SPAG16: variants seen among roughly 807,000 people sequenced by gnomAD.
SPAG16 encodes the protein sperm-associated antigen 16 protein.
Under a neutral mutation model 80.4 loss-of-function variants are expected in SPAG16, and 86 were observed. The observed-to-expected ratio is 1.07, with a 90% confidence interval of 0.90 to 1.28. The LOEUF (loss-of-function observed/expected upper bound fraction) is 1.28, where lower values mean the gene tolerates loss of function less well. Ranked by LOEUF, SPAG16 falls within the 50% of genes most tolerant of loss-of-function variation. SPAG16 has a pLI of 0.00. For missense variants in SPAG16, 870 were observed against 765.3 expected, an observed-to-expected ratio of 1.14 and a Z score of -1.61; for synonymous variants, 294 against 265.9, an observed-to-expected ratio of 1.11 and a Z score of -1.03.
At position 213,317,287 on chromosome 2, in the gene SPAG16, A is replaced by G. The variant is rs1559403756; in HGVS notation, c.467A>G (p.Gln156Arg). The change falls in exon 5 of 16, where the codon CAG (glutamine) becomes CGG (arginine). Residue 156 changes from glutamine to arginine, a missense_variant. Transcript: ENST00000331683. Reference protein sequence around the residue: ...TVGNVPDVYTQIMLLENENKN... With the variant: ...TVGNVPDVYTRIMLLENENKN... ...GGGAATGTTCCAGATGTCTACACCC[A>G]GATTATGCTTTTGGAAAATGAGAAC... The G allele has an allele frequency of 6.2e-7, 1 of 1,611,348 alleles. No homozygotes were observed. The highest frequency in any genetic ancestry group is 2.2e-5 in the East Asian group (1 of 44,728).
intron 10 of SPAG16, among the ~76,000 whole-genome samples, chr2:213,608,893 C>T (rs1007994126): frequency 2.6e-5 from 4 of 152,208 alleles, no homozygotes; most frequent in Admixed American, 6.5e-5. Context: ...CCGTGTTAGC[C>T]GGGATGGTCT....
intron 1 of SPAG16, chr2:213,285,880 C>G (rs948724096): frequency 1.5e-5 from 19 of 1,288,862 alleles, no homozygotes; most frequent in Non-Finnish European, 1.8e-5. Flanking sequence ...CATAATTCTT[C>G]CTAAGCTTAT....
At chr2:214,193,423 GT>G (rs1237443739) in intron 15 of SPAG16, among the ~76,000 whole-genome samples, 17 of 68,530 alleles carry the variant, frequency 2.5e-4, no homozygotes, top group African/African-American at 9.7e-4. Context: ...GTGTGTGTGT[GT>G]ATGAGAGAGA....
At chr2:213,665,673 G>A (rs2063574408) in intron 10 of SPAG16, among the ~76,000 whole-genome samples, 1 of 151,950 alleles carries the variant, frequency 6.6e-6, no homozygotes, top group Non-Finnish European at 1.5e-5. Flanking sequence ...ACATAACCTT[G>A]TTTTATGTGT....
chr2:213,913,982 C>T (rs1471197894), intron 11 of SPAG16, among the ~76,000 whole-genome samples: 1 of 152,230 alleles, frequency 6.6e-6, no homozygotes, highest in Non-Finnish European at 1.5e-5. Context: ...TACTCAACAT[C>T]TACTGATTTA....
At chr2:214,210,071 C>T (rs1346862107) in intron 15 of SPAG16, among the ~76,000 whole-genome samples, 1 of 151,980 alleles carries the variant, frequency 6.6e-6, no homozygotes, top group African/African-American at 2.4e-5. Flanking sequence ...TCTGCTTGAT[C>T]AACTTGAGTC....
intron 15 of SPAG16, among the ~76,000 whole-genome samples, chr2:214,329,178 G>A (rs1218655147): frequency 6.6e-6 from 1 of 152,208 alleles, no homozygotes; most frequent in Non-Finnish European, 1.5e-5. Flanking sequence ...GCTGGGGATG[G>A]CTCCATCTCA....
intron 13 of SPAG16, among the ~76,000 whole-genome samples, chr2:214,016,938 T>C (rs1389767314): frequency 6.6e-6 from 1 of 152,136 alleles, no homozygotes; most frequent in African/African-American, 2.4e-5. Flanking sequence ...TAAAGGAATA[T>C]GGTAATGGAC....
intron 15 of SPAG16, among the ~76,000 whole-genome samples, chr2:214,308,929 C>T (rs1456325998): frequency 6.6e-6 from 1 of 152,042 alleles, no homozygotes; most frequent in African/African-American, 2.4e-5. Flanking sequence ...TTAAGTGTTG[C>T]CCTGTCTAGC....
intron 15 of SPAG16, among the ~76,000 whole-genome samples, chr2:214,324,687 GA>G (rs1318094542): frequency 3.9e-5 from 6 of 152,108 alleles, no homozygotes; most frequent in Non-Finnish European, 7.4e-5. Flanking sequence ...AAAATAGAAA[GA>G]AAAATGTAAA....
intron 9 of SPAG16, among the ~76,000 whole-genome samples, chr2:213,392,088 A>G (rs1056256353): frequency 2.0e-5 from 3 of 152,238 alleles, no homozygotes; most frequent in Non-Finnish European, 4.4e-5. Flanking sequence ...CAGTTATTAT[A>G]TAAAATAGGT....
intron 12 of SPAG16, among the ~76,000 whole-genome samples, chr2:213,935,201 C>CA (rs397872306): frequency 0.021 from 2,145 of 102,640 alleles, 76 homozygotes; most frequent in African/African-American, 0.071. Flanking sequence ...GACTCCATCT[C>CA]AAAAAAAAAA....
chr2:213,737,691 T>C (rs892283990), intron 10 of SPAG16, among the ~76,000 whole-genome samples: 4 of 152,116 alleles, frequency 2.6e-5, no homozygotes, highest in African/African-American at 9.7e-5. Context: ...GGTTTCATCG[T>C]GTTAGCCAGG....
chr2:213,708,666 T>G (rs897589238), intron 10 of SPAG16, among the ~76,000 whole-genome samples: 1 of 151,986 alleles, frequency 6.6e-6, no homozygotes, highest in Non-Finnish European at 1.5e-5. Flanking sequence ...ACAAAAAAAT[T>G]AGGCAGGTGT....
rs578200762 is a variant in SPAG16, at chr2:214,341,414, A to T, written c.1721-68726A>T. On this transcript the variant is annotated intron_variant, in intron 15 of 15. Transcript: ENST00000331683. ...TTTAGATTCAAAGAGCTCACTGAAA[A>T]CTCAGCATATTGAATGAATAAGAGA... is the stretch of plus-strand genomic sequence containing the variant. 3.9e-5 allele frequency among the ~76,000 whole-genome samples: 6 copies of T among 152,302 alleles called. 1 individual carries two copies. The South Asian group carries it at 1.0e-3, about 26-fold the overall frequency.
At chr2:214,268,046 A>G (rs1388345408) in intron 15 of SPAG16, among the ~76,000 whole-genome samples, 1 of 151,946 alleles carries the variant, frequency 6.6e-6, no homozygotes, top group African/African-American at 2.4e-5. Flanking sequence ...AAGAAGAGAT[A>G]CAAATTGCCA....
At chr2:214,192,787 A>G (rs1448377524) in intron 15 of SPAG16, among the ~76,000 whole-genome samples, 1 of 152,132 alleles carries the variant, frequency 6.6e-6, no homozygotes, top group Admixed American at 6.6e-5. Flanking sequence ...TTGTGCCCAT[A>G]TATGATTATT....
intron 12 of SPAG16, among the ~76,000 whole-genome samples, chr2:213,973,667 G>T (rs1324513142): frequency 1.4e-5 from 2 of 147,060 alleles, no homozygotes; most frequent in African/African-American, 5.0e-5. Context: ...GCATTCATTT[G>T]GTTACTGTAT....
chr2:214,116,889 C>T (rs2053960320), intron 14 of SPAG16, among the ~76,000 whole-genome samples: 1 of 152,214 alleles, frequency 6.6e-6, no homozygotes, highest in South Asian at 2.1e-4. Flanking sequence ...AAATGATAGG[C>T]ACAGTAAAGC....
Sources: allele counts gnomAD v4.1 joint callset (sites outside exome capture counted in the v4.1 genomes callset), GRCh38; gene constraint gnomAD v4.1.1; transcripts MANE v1.5; gene names NCBI Gene and HGNC (gene_info 2026-07-23, HGNC 2026-07-21).